Variants in TAFA5 observed in about 807,000 individuals in gnomAD.
TAFA5 encodes the protein TAFA chemokine like family member 5, also known as chemokine-like protein TAFA-5.
In TAFA5, 6 loss-of-function variants were observed where a neutral mutation model predicts 15.3. That is an observed-to-expected ratio of 0.39 (90% CI 0.21 to 0.77). The LOEUF (loss-of-function observed/expected upper bound fraction) is 0.77, where lower values mean the gene tolerates loss of function less well. Among genes scored for constraint, TAFA5 ranks in the 30% least tolerant of loss-of-function variants. TAFA5 has a pLI of 0.41. For synonymous variants in TAFA5, 103 were observed against 80.7 expected (o/e 1.28, Z -1.48); for missense variants, 161 against 193.1 (o/e 0.83, Z 0.98).
intron 2 of TAFA5, among the ~76,000 whole-genome samples, chr22:48,705,868 A>C (rs1377754957): frequency 6.6e-6 from 1 of 152,260 alleles, no homozygotes. Context: ...AAATTTTTTC[A>C]GGTTTTCAAG....
intron 2 of TAFA5, among the ~76,000 whole-genome samples, chr22:48,705,563 T>C (rs1305585482): frequency 1.3e-5 from 2 of 152,214 alleles, no homozygotes; most frequent in East Asian, 3.9e-4. Flanking sequence ...ACTGCTCCTA[T>C]AGGAACAGCC....
intron 2 of TAFA5, among the ~76,000 whole-genome samples, chr22:48,707,014 G>T (rs1028662713): frequency 6.6e-6 from 1 of 152,174 alleles, no homozygotes; most frequent in Admixed American, 6.5e-5. Flanking sequence ...TCCTTGTGCT[G>T]GTGGGGAGCC....
At chr22:48,653,401 C>A (rs747067248) in intron 2 of TAFA5, among the ~76,000 whole-genome samples, 22 of 152,216 alleles carry the variant, frequency 1.4e-4, no homozygotes, top group African/African-American at 2.2e-4. Flanking sequence ...TCAGGCCCAG[C>A]AGGTGGGCAG....
chr22:48,640,056 G>T (rs1386130678), intron 1 of TAFA5, among the ~76,000 whole-genome samples: 1 of 152,208 alleles, frequency 6.6e-6, no homozygotes, highest in Non-Finnish European at 1.5e-5. Flanking sequence ...AGGGCGTGCT[G>T]CAGCCCCTGA....
intron 1 of TAFA5, among the ~76,000 whole-genome samples, chr22:48,618,337 C>T (rs1327538146): frequency 6.6e-6 from 1 of 152,240 alleles, no homozygotes; most frequent in Non-Finnish European, 1.5e-5. Context: ...CTGACGCTCG[C>T]CTCTGCCAAG....
chr22:48,507,023 G>A (rs565754295), intron 1 of TAFA5, among the ~76,000 whole-genome samples: 7 of 152,324 alleles, frequency 4.6e-5, no homozygotes, highest in East Asian at 1.9e-4. Context: ...GAGCCTTGCC[G>A]AGCAAGGGGA....
In TAFA5 at chr22:48,490,659, C is replaced by CAGCTCCGGG. The variant is rs1384880446; in HGVS notation, c.112+965_112+973dup. 1.3e-5 allele frequency among the ~76,000 whole-genome samples: 2 copies of CAGCTCCGGG among 151,906 alleles called. No homozygotes were observed. Among genetic ancestry groups the CAGCTCCGGG allele is most frequent in the East Asian group, 3.9e-4 (2 of 5,126 alleles). Reference sequence around the variant, plus strand: ...CCAGATGGCGCGGGCTGGTCGGCTTCAGCTCCGGGAGCTCCGGGCTTCTTG... The same window carrying CAGCTCCGGG: ...CCAGATGGCGCGGGCTGGTCGGCTTCAGCTCCGGGAGCTCCGGGAGCTCCGGGCTTCTTG... On this transcript the variant is annotated intron_variant, in intron 1 of 3. Transcript: ENST00000402357. The surrounding 1 kb of genome is among the most constrained non-coding windows in gnomAD (Gnocchi z 5.8).
intron 3 of TAFA5, among the ~76,000 whole-genome samples, chr22:48,723,178 G>C (rs1277429536): frequency 6.6e-6 from 1 of 152,190 alleles, no homozygotes; most frequent in Admixed American, 6.5e-5. Flanking sequence ...TTCAGACCCA[G>C]ATAGCAGCAC....
At chr22:48,521,079 T>C (rs1921584935) in intron 1 of TAFA5, among the ~76,000 whole-genome samples, 1 of 152,162 alleles carries the variant, frequency 6.6e-6, no homozygotes, top group African/African-American at 2.4e-5. Flanking sequence ...TGTTGAATTC[T>C]TCCCACCACG....
intron 1 of TAFA5, among the ~76,000 whole-genome samples, chr22:48,588,835 G>T (rs543943344): frequency 2.4e-4 from 36 of 152,056 alleles, no homozygotes; most frequent in Non-Finnish European, 4.3e-4. Context: ...CAACTGGACC[G>T]CATGGAGCCA....
chr22:48,637,597 G>T (rs897128453), intron 1 of TAFA5, among the ~76,000 whole-genome samples: 14 of 152,160 alleles, frequency 9.2e-5, no homozygotes, highest in African/African-American at 3.4e-4. Context: ...GCCAGCCTGA[G>T]CTCTGCCGTT....
chr22:48,656,505 A>T (rs1927249287), intron 2 of TAFA5, among the ~76,000 whole-genome samples: 1 of 147,332 alleles, frequency 6.8e-6, no homozygotes, highest in Non-Finnish European at 1.5e-5. Flanking sequence ...ACTCCATCTC[A>T]AAAAAAAAAG....
intron 1 of TAFA5, among the ~76,000 whole-genome samples, chr22:48,610,643 T>TTTG (rs1418243552): frequency 3.3e-5 from 5 of 151,848 alleles, no homozygotes; most frequent in African/African-American, 9.7e-5. Flanking sequence ...CCTGGAGGGC[T>TTTG]TCGGGCCGTG....
At chr22:48,553,008 C>CTCAT (rs1922910587) in intron 1 of TAFA5, among the ~76,000 whole-genome samples, 1 of 152,312 alleles carries the variant, frequency 6.6e-6, no homozygotes, top group East Asian at 1.9e-4. Context: ...CTGCCTACTG[C>CTCAT]TCATTCATTC....
intron 1 of TAFA5, among the ~76,000 whole-genome samples, chr22:48,642,613 AG>A (rs1926723101): frequency 2.0e-5 from 3 of 152,002 alleles, no homozygotes; most frequent in East Asian, 1.9e-4. Context: ...CACAGTGGGC[AG>A]AGATTGGGGT....
intron 2 of TAFA5, chr22:48,693,329 A>G: frequency 6.2e-7 from 1 of 1,611,984 alleles, no homozygotes; most frequent in Non-Finnish European, 8.5e-7. Flanking sequence ...AGGAAGAGGG[A>G]AAAACCAGGA....
At chr22:48,506,074 G>A (rs190962910) in intron 1 of TAFA5, among the ~76,000 whole-genome samples, 5 of 152,222 alleles carry the variant, frequency 3.3e-5, no homozygotes, top group Admixed American at 2.0e-4. Context: ...AGCTGAGGTC[G>A]CCCTTCCCTG....
At chr22:48,569,144 A>T (rs1923500783) in intron 1 of TAFA5, among the ~76,000 whole-genome samples, 1 of 152,110 alleles carries the variant, frequency 6.6e-6, no homozygotes, top group African/African-American at 2.4e-5. Flanking sequence ...CCTCTGTGGG[A>T]TGGGGACAGC....
At chr22:48,504,822 A>G (rs888034603) in intron 1 of TAFA5, among the ~76,000 whole-genome samples, 5 of 152,202 alleles carry the variant, frequency 3.3e-5, no homozygotes, top group African/African-American at 1.2e-4. Context: ...CGATTGTGTT[A>G]GGATCCTTGC....
Sources: allele counts gnomAD v4.1 joint callset (sites outside exome capture counted in the v4.1 genomes callset), GRCh38; gene constraint gnomAD v4.1.1; non-coding constraint Gnocchi (gnomAD v3.1); transcripts MANE v1.5; gene names NCBI Gene and HGNC (gene_info 2026-07-23, HGNC 2026-07-21).